Variants in GRM7 observed in about 807,000 individuals in gnomAD.
The protein encoded by GRM7 is metabotropic glutamate receptor 7.
A neutral mutation model predicts 84.5 loss-of-function variants in GRM7; 35 were observed. That is an observed-to-expected ratio of 0.41 (90% CI 0.32 to 0.55). GRM7 has a LOEUF of 0.55. Ranked by LOEUF, GRM7 falls within the 20% of genes least tolerant of loss-of-function variation. The pLI is 0.19. For synonymous variants in GRM7, 487 were observed against 455.1 expected, an observed-to-expected ratio of 1.07 and a Z score of -0.89; for missense variants, 1,003 against 1,194.6, an observed-to-expected ratio of 0.84 and a Z score of 2.36.
At chr3:7,124,883 T>C (rs1441741825) in intron 1 of GRM7, among the ~76,000 whole-genome samples, 1 of 152,208 alleles carries the variant, frequency 6.6e-6, no homozygotes, top group Non-Finnish European at 1.5e-5. Context: ...CAGTCCCACA[T>C]ACTCATCTAA....
At chr3:7,003,178 A>C (rs1334470594) in intron 1 of GRM7, among the ~76,000 whole-genome samples, 1 of 152,198 alleles carries the variant, frequency 6.6e-6, no homozygotes, top group Non-Finnish European at 1.5e-5. Context: ...ATTGCACTGC[A>C]TGTTGACCAC....
intron 4 of GRM7, among the ~76,000 whole-genome samples, chr3:7,339,968 C>T (rs1701575271): frequency 6.6e-6 from 1 of 152,010 alleles, no homozygotes; most frequent in Non-Finnish European, 1.5e-5. Context: ...GAGTCTGAAT[C>T]CTTGCATAGC....
At chr3:6,953,690 C>A (rs981900863) in intron 1 of GRM7, among the ~76,000 whole-genome samples, 4 of 152,190 alleles carry the variant, frequency 2.6e-5, no homozygotes, top group African/African-American at 9.7e-5. Context: ...GCTGAATAAT[C>A]TCAGGGACTG....
At chr3:7,374,779 C>T (rs1694278339) in intron 4 of GRM7, among the ~76,000 whole-genome samples, 1 of 151,936 alleles carries the variant, frequency 6.6e-6, no homozygotes, top group Non-Finnish European at 1.5e-5. Context: ...GCTTGAGCCA[C>T]CATGCCCAGC....
chr3:7,195,742 C>T (rs551309861), intron 2 of GRM7, among the ~76,000 whole-genome samples: 1 of 152,140 alleles, frequency 6.6e-6, no homozygotes, highest in South Asian at 2.1e-4. Context: ...GGCTGTGAAT[C>T]CGGTAGTCCA....
chr3:7,161,060 A>C (rs116585472), intron 2 of GRM7, among the ~76,000 whole-genome samples: 1,927 of 152,304 alleles, frequency 0.013, 31 homozygotes, highest in African/African-American at 0.042. Context: ...ACATTCTAAA[A>C]TTAGAAGACT....
At chr3:7,547,294 C>T (rs1244360494) in intron 7 of GRM7, among the ~76,000 whole-genome samples, 1 of 150,086 alleles carries the variant, frequency 6.7e-6, no homozygotes, top group African/African-American at 2.5e-5. Context: ...GCAAGCTCCA[C>T]CCCCCGGGTT....
intron 2 of GRM7, among the ~76,000 whole-genome samples, chr3:7,160,087 G>A (rs1694577613): frequency 6.6e-6 from 1 of 152,058 alleles, no homozygotes; most frequent in South Asian, 2.1e-4. Context: ...TTACATTTTG[G>A]GAGTCATTTT....
At chr3:7,655,027 A>T (rs1288285397) in intron 8 of GRM7, among the ~76,000 whole-genome samples, 1 of 152,186 alleles carries the variant, frequency 6.6e-6, no homozygotes, top group Non-Finnish European at 1.5e-5. Flanking sequence ...CCGTGGTTCT[A>T]GTTCTGTGAA....
At chr3:6,906,149 A>T (rs777571203) in intron 1 of GRM7, among the ~76,000 whole-genome samples, 3 of 152,216 alleles carry the variant, frequency 2.0e-5, no homozygotes, top group Non-Finnish European at 2.9e-5. Context: ...ATCTTGTCAG[A>T]TGACGCCTCA....
chr3:7,434,396 G>A (rs539934881), intron 5 of GRM7, among the ~76,000 whole-genome samples: 4 of 152,164 alleles, frequency 2.6e-5, no homozygotes, highest in East Asian at 3.9e-4. Context: ...GTCTGGCATC[G>A]GTGAATATGA....
At chr3:7,694,182 A>T (rs1700928707) in intron 9 of GRM7, among the ~76,000 whole-genome samples, 1 of 152,174 alleles carries the variant, frequency 6.6e-6, no homozygotes, top group Non-Finnish European at 1.5e-5. Context: ...AGAAAAGATC[A>T]TCTCTCTGTG....
At chr3:7,414,973 G>A in intron 4 of GRM7, 50 bp from the exon 5 acceptor site, 2 of 1,421,302 alleles carry the variant, frequency 1.4e-6, no homozygotes, top group Middle Eastern at 1.9e-4. Context: ...ATTTCTGAAT[G>A]TGCCAGCAGT....
chr3:7,548,773 A>G (rs1164528927), intron 7 of GRM7, among the ~76,000 whole-genome samples: 1 of 152,240 alleles, frequency 6.6e-6, no homozygotes, highest in Non-Finnish European at 1.5e-5. Flanking sequence ...AGGCAAGTGT[A>G]TGGCTTTGGT....
At chr3:7,022,921 T>C (rs1695833113) in intron 1 of GRM7, among the ~76,000 whole-genome samples, 1 of 152,132 alleles carries the variant, frequency 6.6e-6, no homozygotes, top group Admixed American at 6.5e-5. Context: ...AGAGTAATTA[T>C]CCAATAACCC....
chr3:7,132,721 T>C (rs1434872532), intron 1 of GRM7, among the ~76,000 whole-genome samples: 1 of 152,208 alleles, frequency 6.6e-6, no homozygotes, highest in Non-Finnish European at 1.5e-5. Context: ...TTCTGAAACA[T>C]CTACATCTGT....
At chr3:7,158,649 T>C (rs1014945110) in intron 2 of GRM7, among the ~76,000 whole-genome samples, 1 of 152,174 alleles carries the variant, frequency 6.6e-6, no homozygotes, top group East Asian at 1.9e-4. Flanking sequence ...CGGGCATCTC[T>C]CCCAGTCCAG....
Position 6,934,455 on chromosome 3 carries a change from A to G in GRM7, c.519+72548A>G, listed in dbSNP as rs540113891. On this transcript the variant is annotated intron_variant, in intron 1 of 9. Coordinates refer to ENST00000357716, the MANE Select transcript of GRM7 (RefSeq NM_000844.4). ...AGAATAATATTAGAAAACAAAACCA[A>G]CTAGAGAGTATATCATTACAATTCG... Among the ~76,000 whole-genome samples the G allele has an allele frequency of 2.4e-4, 37 of 152,238 alleles. No homozygotes were observed. In the South Asian group the frequency reaches 7.0e-3, roughly 29 times the overall value.
chr3:7,118,976 T>C (rs1046980880), intron 1 of GRM7, among the ~76,000 whole-genome samples: 1 of 152,168 alleles, frequency 6.6e-6, no homozygotes, highest in Non-Finnish European at 1.5e-5. Context: ...AATTAATCTC[T>C]ATTTTCTCTC....
Sources: allele counts gnomAD v4.1 joint callset (sites outside exome capture counted in the v4.1 genomes callset), GRCh38; gene constraint gnomAD v4.1.1; transcripts MANE v1.5; gene names NCBI Gene and HGNC (gene_info 2026-07-23, HGNC 2026-07-21).